Variants in TSPAN14 observed in about 807,000 individuals in gnomAD.
The protein encoded by TSPAN14 is tetraspanin 14.
A neutral mutation model predicts 36.6 loss-of-function variants in TSPAN14; 16 were observed. That is an observed-to-expected ratio of 0.44 (90% confidence interval 0.30 to 0.66). The LOEUF (loss-of-function observed/expected upper bound fraction) is 0.66, where lower values mean the gene tolerates loss of function less well. Among genes scored for constraint, TSPAN14 ranks in the 30% least tolerant of loss-of-function variants. The pLI is 0.12. For missense variants in TSPAN14, 231 were observed against 355.1 expected, an observed-to-expected ratio of 0.65 and a Z score of 2.81; for synonymous variants, 139 against 143.8, an observed-to-expected ratio of 0.97 and a Z score of 0.24.
chr10:80,475,755 T>A (rs1338129824), intron 1 of TSPAN14, among the ~76,000 whole-genome samples: 1 of 152,122 alleles, frequency 6.6e-6, no homozygotes, highest in Non-Finnish European at 1.5e-5. Context: ...CCCAGCTAAT[T>A]TTTGTATTTT....
chr10:80,518,036 A>G (rs1841039116), exon 9 of TSPAN14: 10 of 1,523,552 alleles, frequency 6.6e-6, no homozygotes, highest in Non-Finnish European at 8.9e-6. Context: ...TTTCTCTGCC[A>G]TCAGCCCTAC....
chr10:80,465,404 C>T (rs936719802), intron 1 of TSPAN14, among the ~76,000 whole-genome samples: 8 of 152,212 alleles, frequency 5.3e-5, no homozygotes, highest in East Asian at 3.9e-4. Flanking sequence ...CTGCCATCTC[C>T]GGGCTCTTGA....
At chr10:80,520,820 T>C (rs745946398) in exon 9 of TSPAN14, 10 of 533,312 alleles carry the variant, frequency 1.9e-5, no homozygotes, top group Non-Finnish European at 3.5e-5. Flanking sequence ...TTCTTCAGCC[T>C]CTGTAGCACC....
At chr10:80,474,308 A>G (rs1301993009) in intron 1 of TSPAN14, among the ~76,000 whole-genome samples, 1 of 151,564 alleles carries the variant, frequency 6.6e-6, no homozygotes, top group Non-Finnish European at 1.5e-5. Flanking sequence ...GTAGCTCAGG[A>G]TATGGGTGGT....
intron 6 of TSPAN14, among the ~76,000 whole-genome samples, chr10:80,513,024 A>G (rs1044037306): frequency 1.3e-5 from 2 of 152,020 alleles, no homozygotes; most frequent in African/African-American, 2.4e-5. Context: ...TCAACCTCCC[A>G]AGTAGCTGGG....
At chr10:80,513,977 T>TTG in intron 6 of TSPAN14, 42 bp from the exon 7 acceptor site, 1 of 1,601,438 alleles carries the variant, frequency 6.2e-7, no homozygotes, top group Non-Finnish European at 8.5e-7. Flanking sequence ...CACCAGCTTC[T>TTG]TGAGACGCCA....
At chr10:80,513,965 A>T in intron 6 of TSPAN14, 54 bp from the exon 7 acceptor site, 3 of 1,552,760 alleles carry the variant, frequency 1.9e-6, no homozygotes, top group Non-Finnish European at 2.7e-6. Context: ...AGAGCCTCTT[A>T]GCACCAGCTT....
chr10:80,500,925 C>T (rs1041701335), intron 2 of TSPAN14, among the ~76,000 whole-genome samples: 1 of 152,184 alleles, frequency 6.6e-6, no homozygotes, highest in Non-Finnish European at 1.5e-5. Flanking sequence ...ATGAACTGCT[C>T]TTGAGGTCGA....
At position 80,509,287 on chromosome 10, in the gene TSPAN14, C is replaced by T. The variant is rs1050984998; in HGVS notation, c.280-14C>T. ...TGGGGTGGTGACTTCTGCTCCCGTC[C>T]CCTTCCCCTGCAGTTCTGTGGCACC... On this transcript the variant is annotated splice_polypyrimidine_tract_variant and intron_variant, in intron 4 of 8. Transcript: ENST00000429989. This position sits in a 1 kb window ranked among gnomAD's most constrained non-coding sequence, Gnocchi z 4.7. The T allele has an allele frequency of 1.2e-6, 2 of 1,611,598 alleles. No homozygotes were observed. Among genetic ancestry groups the T allele is most frequent in the Non-Finnish European group, 8.5e-7 (1 of 1,178,898 alleles).
At chr10:80,461,557 A>C (rs1008057486) in intron 1 of TSPAN14, among the ~76,000 whole-genome samples, 1 of 152,060 alleles carries the variant, frequency 6.6e-6, no homozygotes, top group African/African-American at 2.4e-5. Context: ...CTGGGGTGCT[A>C]AGTGTGTGAG....
At chr10:80,521,070 C>T (rs1277454231) in exon 9 of TSPAN14, 6 of 319,256 alleles carry the variant, frequency 1.9e-5, no homozygotes, top group South Asian at 2.6e-5. Flanking sequence ...AATGGATGCA[C>T]AACCTTCCTG....
At chr10:80,462,962 A>G (rs1298729998) in intron 1 of TSPAN14, 2 of 152,184 alleles carry the variant, frequency 1.3e-5, no homozygotes, top group Non-Finnish European at 2.9e-5. Flanking sequence ...TGCATCGCCT[A>G]CATTGCCTGA....
At chr10:80,497,164 GA>G (rs961861863) in intron 2 of TSPAN14, among the ~76,000 whole-genome samples, 1 of 152,126 alleles carries the variant, frequency 6.6e-6, no homozygotes, top group African/African-American at 2.4e-5. Flanking sequence ...CTATTGTGGG[GA>G]TATATAATTT....
At position 80,510,873 on chromosome 10, in the gene TSPAN14, C is replaced by CA. The variant is rs1441945280; in HGVS notation, c.451-1263dup. Among the ~76,000 whole-genome samples the CA allele has an allele frequency of 5.9e-5, 9 of 151,352 alleles. No homozygotes were observed. The South Asian group carries it at 8.3e-4, about 14-fold the overall frequency. Reference sequence around the variant, plus strand: ...TGGTCAACAGAGCAAGACTCCGTCTCAAAAAAAAGATAAAATAAATAAATT... The same window carrying CA: ...TGGTCAACAGAGCAAGACTCCGTCTCAAAAAAAAAGATAAAATAAATAAATT... On this transcript the variant is annotated intron_variant, in intron 5 of 8. Transcript: ENST00000429989.
At chr10:80,466,877 G>A (rs1589238794) in intron 1 of TSPAN14, among the ~76,000 whole-genome samples, 2 of 152,210 alleles carry the variant, frequency 1.3e-5, no homozygotes, top group East Asian at 3.8e-4. Context: ...CATTGTTTAA[G>A]CCCAGAAGGG....
intron 1 of TSPAN14, among the ~76,000 whole-genome samples, chr10:80,464,417 G>T (rs539535921): frequency 9.2e-5 from 14 of 152,234 alleles, no homozygotes; most frequent in Non-Finnish European, 1.6e-4. Context: ...GGGTGGGGAA[G>T]GAGGGACAGT....
At chr10:80,477,329 A>C (rs1846974620) in intron 1 of TSPAN14, among the ~76,000 whole-genome samples, 2 of 152,218 alleles carry the variant, frequency 1.3e-5, no homozygotes, top group Admixed American at 6.5e-5. Flanking sequence ...TCACTTTGCT[A>C]AATAAAAAGG....
intron 7 of TSPAN14, among the ~76,000 whole-genome samples, chr10:80,514,705 T>C (rs1840837671): frequency 6.6e-6 from 1 of 152,196 alleles, no homozygotes; most frequent in Non-Finnish European, 1.5e-5. Flanking sequence ...TGGGGAACTG[T>C]CCTCCTTTAG....
chr10:80,513,998 A>G, intron 6 of TSPAN14, 21 bp from the exon 7 acceptor site: 1 of 1,612,684 alleles, frequency 6.2e-7, no homozygotes, highest in East Asian at 2.2e-5. Flanking sequence ...GAAGCAACTA[A>G]TTTTTCTGCT....
Sources: gnomAD v4.1 joint callset for allele counts (sites outside exome capture counted in the v4.1 genomes callset) on GRCh38, gnomAD v4.1.1 for gene constraint, Gnocchi (gnomAD v3.1) non-coding constraint, MANE v1.5 for transcripts, NCBI Gene and HGNC (gene_info 2026-07-23, HGNC 2026-07-21) for gene names.